Variants in ASIC2 observed in about 807,000 individuals in gnomAD.
ASIC2 encodes acid-sensing ion channel 2.
ASIC2 carries 25 observed loss-of-function variants against 57.3 expected under a neutral mutation model. That is an observed-to-expected ratio of 0.44 (90% confidence interval 0.32 to 0.61). The LOEUF is 0.61. Among genes scored for constraint, ASIC2 ranks in the 20% least tolerant of loss-of-function variants. The pLI is 0.06. For missense variants in ASIC2, 641 were observed against 738.1 expected (o/e 0.87, Z 1.52); for synonymous variants, 319 against 307.5 (o/e 1.04, Z -0.39).
At chr17:33,672,170 C>T (rs566539953) in intron 1 of ASIC2, among the ~76,000 whole-genome samples, 1 of 152,310 alleles carries the variant, frequency 6.6e-6, no homozygotes, top group African/African-American at 2.4e-5. Context: ...TTCACACACT[C>T]CATTAATGCT....
intron 2 of ASIC2, among the ~76,000 whole-genome samples, chr17:33,105,405 T>C (rs960268283): frequency 2.0e-5 from 3 of 152,246 alleles, no homozygotes; most frequent in Admixed American, 6.5e-5. Flanking sequence ...TCTGCCATGA[T>C]TGTGAGGCCT....
rs1909672772 is a variant in ASIC2, at chr17:33,386,236, C to G, written c.556-274169G>C. On this transcript the variant is annotated intron_variant, in intron 1 of 9. Coordinates refer to the ASIC2 transcript ENST00000359872. ...TGATGACAGAAACTTTTATCTCCAC[C>G]CTTGACCTCTAGAGACCCACCTGTA... Among the ~76,000 whole-genome samples, 3 of 152,118 alleles carry G rather than the reference C, an allele frequency of 2.0e-5. No homozygotes were observed. The South Asian group carries it at 6.2e-4, about 32-fold the overall frequency.
At chr17:33,569,562 C>A (rs1420845487) in intron 1 of ASIC2, 3 of 152,256 alleles carry the variant, frequency 2.0e-5, no homozygotes, top group Admixed American at 1.3e-4. Flanking sequence ...CACTAGAAGA[C>A]TTAATTGACT....
Position 34,139,712 on chromosome 17 carries a change from T to C in ASIC2, c.555+16266A>G, listed in dbSNP as rs189071278. On this transcript the variant is annotated intron_variant, in intron 1 of 9. Coordinates refer to the ASIC2 transcript ENST00000359872. ...AAAATATCCAGAATGGGAAAATCTA[T>C]AGAGACAGAAAATAGATTAATGATC... Among the ~76,000 whole-genome samples, 558 of 152,070 alleles carry C rather than the reference T, an allele frequency of 3.7e-3. 2 individuals carry two copies. Among genetic ancestry groups the C allele is most frequent in the African/African-American group, 0.013 (527 of 41,414 alleles).
intron 1 of ASIC2, among the ~76,000 whole-genome samples, chr17:33,702,041 C>T (rs1908717100): frequency 6.6e-6 from 1 of 152,212 alleles, no homozygotes; most frequent in Non-Finnish European, 1.5e-5. Context: ...TGGTGGATAA[C>T]AGGGCTCATT....
chr17:33,028,905 C>T (rs1464432066), intron 3 of ASIC2, among the ~76,000 whole-genome samples: 1 of 152,184 alleles, frequency 6.6e-6, no homozygotes, highest in Non-Finnish European at 1.5e-5. Context: ...CACTATCCTT[C>T]TTATTTATAG....
At chr17:34,104,711 T>G (rs1910982530) in intron 1 of ASIC2, among the ~76,000 whole-genome samples, 2 of 152,096 alleles carry the variant, frequency 1.3e-5, no homozygotes, top group Admixed American at 6.5e-5. Flanking sequence ...TCTCCATCTA[T>G]TAAGATGATC....
At chr17:33,124,920 G>C (rs1445748201) in intron 1 of ASIC2, among the ~76,000 whole-genome samples, 1 of 152,162 alleles carries the variant, frequency 6.6e-6, no homozygotes, top group Admixed American at 6.5e-5. Context: ...TTCTCTTAAG[G>C]GGGGCACAAC....
rs114475070 is a variant in ASIC2 at position 33,836,358 on chromosome 17, C to T, written c.555+319620G>A. Among the ~76,000 whole-genome samples, 541 of 150,244 alleles carry T rather than the reference C, an allele frequency of 3.6e-3. 3 individuals carry two copies. Among genetic ancestry groups the T allele is most frequent in the African/African-American group, 0.013 (527 of 40,902 alleles). Reference sequence around the variant, plus strand: ...GAACTCCTGGCCTCAAATTGACCTGCCTTTTTAGAGATGGGATTTCACCAT... The same window carrying T: ...GAACTCCTGGCCTCAAATTGACCTGTCTTTTTAGAGATGGGATTTCACCAT... On this transcript the variant is annotated intron_variant, in intron 1 of 9. Coordinates refer to the ASIC2 transcript ENST00000359872.
intron 1 of ASIC2, among the ~76,000 whole-genome samples, chr17:34,086,654 T>C (rs997011594): frequency 1.3e-5 from 2 of 152,156 alleles, no homozygotes; most frequent in Non-Finnish European, 2.9e-5. Context: ...AAGTCTCCCA[T>C]TATTAATGTG....
chr17:33,701,028 G>A (rs544985028), intron 1 of ASIC2, among the ~76,000 whole-genome samples: 68 of 152,332 alleles, frequency 4.5e-4, no homozygotes, highest in African/African-American at 1.5e-3. Context: ...GCCAGAGGGA[G>A]AAAGGCATAA....
chr17:33,712,183 G>A (rs1909056774), intron 1 of ASIC2, among the ~76,000 whole-genome samples: 1 of 152,184 alleles, frequency 6.6e-6, no homozygotes, highest in Non-Finnish European at 1.5e-5. Context: ...TTGACCTCCA[G>A]GGATGACTGC....
At chr17:33,957,409 C>A (rs1485980162) in intron 1 of ASIC2, among the ~76,000 whole-genome samples, 1 of 152,132 alleles carries the variant, frequency 6.6e-6, no homozygotes, top group African/African-American at 2.4e-5. Context: ...AAGGACATAT[C>A]TGAAACTGGG....
chr17:34,049,280 C>G (rs189651243), intron 1 of ASIC2, among the ~76,000 whole-genome samples: 2 of 152,040 alleles, frequency 1.3e-5, no homozygotes, highest in Non-Finnish European at 2.9e-5. Flanking sequence ...GGCAACAGAG[C>G]AAGACCCTGT....
chr17:34,055,813 G>A (rs1210755501), intron 1 of ASIC2, among the ~76,000 whole-genome samples: 2 of 152,200 alleles, frequency 1.3e-5, no homozygotes, highest in Admixed American at 6.5e-5. Flanking sequence ...TTTGGCTAAT[G>A]TAAATAAACC....
chr17:33,595,502 G>A (rs1050617361), intron 1 of ASIC2, among the ~76,000 whole-genome samples: 7 of 152,224 alleles, frequency 4.6e-5, no homozygotes, highest in African/African-American at 7.2e-5. Flanking sequence ...CTTTAACTGC[G>A]TAAGAAGCAT....
chr17:33,225,239 C>T (rs954199158), intron 1 of ASIC2, among the ~76,000 whole-genome samples: 3 of 152,196 alleles, frequency 2.0e-5, no homozygotes, highest in East Asian at 1.9e-4. Context: ...AAACAATCCA[C>T]GAGTGCATCA....
intron 1 of ASIC2, among the ~76,000 whole-genome samples, chr17:33,758,992 T>C (rs1445238197): frequency 6.6e-6 from 1 of 151,482 alleles, no homozygotes; most frequent in Non-Finnish European, 1.5e-5. Flanking sequence ...GTAAGCATTT[T>C]CAGAAGCTGG....
chr17:33,652,595 CT>C (rs1379348450), intron 1 of ASIC2, among the ~76,000 whole-genome samples: 3 of 152,162 alleles, frequency 2.0e-5, no homozygotes, highest in African/African-American at 7.2e-5. Context: ...AGAACTCATG[CT>C]TTTAATCACA....
Sources: allele counts gnomAD v4.1 joint callset (sites outside exome capture counted in the v4.1 genomes callset), GRCh38; gene constraint gnomAD v4.1.1; transcripts MANE v1.5; gene names NCBI Gene and HGNC (gene_info 2026-07-23, HGNC 2026-07-21).